Variants in ADAMTSL1 observed in about 807,000 individuals in gnomAD.
ADAMTSL1 encodes the protein ADAMTS like 1.
ADAMTSL1 carries 126 observed loss-of-function variants against 201.8 expected under a neutral mutation model. The observed-to-expected ratio is 0.62, with a 90% CI of 0.54 to 0.72. The LOEUF (loss-of-function observed/expected upper bound fraction) is 0.72. Among genes scored for constraint, ADAMTSL1 ranks in the 30% least tolerant of loss-of-function variants. The pLI is 0.00. For missense variants in ADAMTSL1, 2,679 were observed against 2,277.8 expected (o/e 1.18, Z -3.59); for synonymous variants, 1,121 against 903.4 (o/e 1.24, Z -4.32).
chr9:18,201,274 T>A (rs16936430), intron 2 of ADAMTSL1, among the ~76,000 whole-genome samples: 25,961 of 152,104 alleles, frequency 0.17, 2,565 homozygotes, highest in East Asian at 0.24. Context: ...GGGAATCTCT[T>A]TGAGCAATAA....
intron 2 of ADAMTSL1, among the ~76,000 whole-genome samples, chr9:18,241,535 T>A (rs1466544311): frequency 6.6e-6 from 1 of 152,140 alleles, no homozygotes; most frequent in Admixed American, 6.6e-5. Flanking sequence ...AGCCAAAATG[T>A]GTTTCTTCTC....
intron 2 of ADAMTSL1, among the ~76,000 whole-genome samples, chr9:18,357,468 T>C (rs1836303654): frequency 6.6e-6 from 1 of 152,180 alleles, no homozygotes; most frequent in Non-Finnish European, 1.5e-5. Flanking sequence ...GAGTTCTAGA[T>C]CAGAGTCTTT....
intron 2 of ADAMTSL1, among the ~76,000 whole-genome samples, chr9:18,330,718 G>A (rs1255290356): frequency 3.3e-5 from 5 of 152,182 alleles, no homozygotes; most frequent in Admixed American, 2.6e-4. Context: ...ATAACACCTA[G>A]TGACTCCCTA....
intron 1 of ADAMTSL1, among the ~76,000 whole-genome samples, chr9:18,004,768 A>G (rs928403995): frequency 3.3e-5 from 5 of 152,006 alleles, no homozygotes; most frequent in African/African-American, 1.2e-4. Flanking sequence ...AAATGTGGGA[A>G]ATTAGTATTA....
chr9:18,211,876 A>C (rs1300885991), intron 2 of ADAMTSL1, among the ~76,000 whole-genome samples: 3 of 152,202 alleles, frequency 2.0e-5, no homozygotes, highest in African/African-American at 7.2e-5. Flanking sequence ...TTACATTCTT[A>C]GGCCAGCCCT....
chr9:18,398,348 G>T (rs118160599), intron 2 of ADAMTSL1, among the ~76,000 whole-genome samples: 233 of 152,198 alleles, frequency 1.5e-3, no homozygotes, highest in Non-Finnish European at 2.9e-3. Flanking sequence ...GTTTAAGAAT[G>T]ACCTGAACAC....
chr9:18,136,214 T>C (rs1826150181), intron 1 of ADAMTSL1, among the ~76,000 whole-genome samples: 1 of 152,138 alleles, frequency 6.6e-6, no homozygotes, highest in South Asian at 2.1e-4. Context: ...AAAAAATAAA[T>C]ATTTCCAAAG....
chr9:18,643,369 T>C lies in ADAMTSL1; in HGVS notation c.834+3958T>C, dbSNP rs551981907. On this transcript the variant is annotated intron_variant, in intron 7 of 28. Transcript: ENST00000380548. The stretch of plus-strand genomic sequence containing the variant: ...AATTTTTTTTCCATTCTGTAGGTTG[T>C]CTCTTCACTCTGTTGATTGTTTCCT... 7.2e-5 allele frequency among the ~76,000 whole-genome samples: 11 copies of C among 152,226 alleles called. No homozygotes were observed. In the South Asian group the frequency reaches 1.9e-3, roughly 26 times the overall value.
At chr9:18,277,532 C>A (rs1832630985) in intron 2 of ADAMTSL1, among the ~76,000 whole-genome samples, 1 of 152,056 alleles carries the variant, frequency 6.6e-6, no homozygotes, top group Non-Finnish European at 1.5e-5. Context: ...TAATGACCTT[C>A]TATGTTGTTT....
intron 2 of ADAMTSL1, among the ~76,000 whole-genome samples, chr9:18,439,276 AAC>A (rs1439167848): frequency 1.3e-5 from 2 of 152,246 alleles, no homozygotes; most frequent in Admixed American, 6.5e-5. Context: ...ATAACACTGT[AAC>A]ACTGAATTTG....
chr9:18,495,824 T>G (rs1367488371), intron 1 of ADAMTSL1, among the ~76,000 whole-genome samples: 1 of 152,170 alleles, frequency 6.6e-6, no homozygotes, highest in East Asian at 1.9e-4. Flanking sequence ...AAATTGAAAT[T>G]ACTTGGCAAT....
chr9:18,412,672 C>T (rs915238262), intron 2 of ADAMTSL1, among the ~76,000 whole-genome samples: 1 of 152,148 alleles, frequency 6.6e-6, no homozygotes, highest in Non-Finnish European at 1.5e-5. Flanking sequence ...GTGTTTCCAT[C>T]CAACAGAGTT....
chr9:17,996,835 T>G (rs1279305935), intron 1 of ADAMTSL1, among the ~76,000 whole-genome samples: 1 of 152,164 alleles, frequency 6.6e-6, no homozygotes, highest in Non-Finnish European at 1.5e-5. Context: ...GTAAGCCCAC[T>G]GGGGCAAGGC....
chr9:18,122,658 G>A (rs1465015564), intron 1 of ADAMTSL1, among the ~76,000 whole-genome samples: 1 of 152,112 alleles, frequency 6.6e-6, no homozygotes, highest in Non-Finnish European at 1.5e-5. Context: ...CCAAAATAAA[G>A]GAATATATTC....
intron 16 of ADAMTSL1, among the ~76,000 whole-genome samples, chr9:18,753,991 G>T (rs1226189797): frequency 6.6e-6 from 1 of 152,072 alleles, no homozygotes; most frequent in African/African-American, 2.4e-5. Context: ...TTATTTTCCT[G>T]GTCCTGTGAA....
At chr9:18,666,367 T>C (rs1190637320) in intron 9 of ADAMTSL1, among the ~76,000 whole-genome samples, 1 of 152,166 alleles carries the variant, frequency 6.6e-6, no homozygotes, top group East Asian at 1.9e-4. Flanking sequence ...ATAAGGCTTT[T>C]CATTAGAGAC....
chr9:17,949,552 T>C (rs1167424102), intron 1 of ADAMTSL1, among the ~76,000 whole-genome samples: 1 of 152,158 alleles, frequency 6.6e-6, no homozygotes, highest in Admixed American at 6.5e-5. Flanking sequence ...TTATTTTAAC[T>C]GAGACCGTCA....
chr9:18,373,262 A>C (rs1837129704), intron 2 of ADAMTSL1, among the ~76,000 whole-genome samples: 1 of 152,180 alleles, frequency 6.6e-6, no homozygotes, highest in African/African-American at 2.4e-5. Flanking sequence ...TTCTAGGCTG[A>C]TCACAAGCCA....
At chr9:18,187,673 C>T (rs1408015173) in intron 2 of ADAMTSL1, among the ~76,000 whole-genome samples, 4 of 151,838 alleles carry the variant, frequency 2.6e-5, no homozygotes, top group Non-Finnish European at 5.9e-5. Flanking sequence ...ACTTTCTTCC[C>T]TGTAACAAGG....
Sources: allele counts gnomAD v4.1 joint callset (sites outside exome capture counted in the v4.1 genomes callset), GRCh38; gene constraint gnomAD v4.1.1; transcripts MANE v1.5; gene names NCBI Gene and HGNC (gene_info 2026-07-23, HGNC 2026-07-21).